Variants in LRRIQ1 observed in about 807,000 individuals in gnomAD.
LRRIQ1 encodes the protein leucine rich repeats and IQ motif containing 1.
In LRRIQ1, 210 loss-of-function variants were observed where a neutral mutation model predicts 211.9. That is an observed-to-expected ratio of 0.99 (90% CI 0.89 to 1.11). The LOEUF (loss-of-function observed/expected upper bound fraction) is 1.11, where lower values mean the gene tolerates loss of function less well. Ranked by LOEUF, LRRIQ1 falls within the 50% of genes most tolerant of loss-of-function variation. The pLI, the probability that LRRIQ1 is intolerant of heterozygous loss-of-function variation, is 0.00. For missense variants in LRRIQ1, 2,136 were observed against 1,939.5 expected (o/e 1.10, Z -1.90); for synonymous variants, 699 against 650.1 (o/e 1.08, Z -1.14).
chr12:85,093,324 A>G (rs1479387228), intron 11 of LRRIQ1, among the ~76,000 whole-genome samples: 3 of 152,202 alleles, frequency 2.0e-5, no homozygotes, highest in Admixed American at 1.3e-4. Context: ...AATGGAAGTT[A>G]TGCATGGTGG....
chr12:85,038,547 A>G (rs1015130072), intron 2 of LRRIQ1, among the ~76,000 whole-genome samples: 1 of 151,754 alleles, frequency 6.6e-6, no homozygotes, highest in Non-Finnish European at 1.5e-5. Context: ...TAGCATGATT[A>G]AATTACATGG....
intron 26 of LRRIQ1, among the ~76,000 whole-genome samples, chr12:85,242,413 A>G (rs1190650789): frequency 1.3e-5 from 2 of 151,970 alleles, no homozygotes; most frequent in Non-Finnish European, 2.9e-5. Flanking sequence ...TAGGTATTAG[A>G]AGTAATCTAG....
chr12:85,136,121 A>T (rs1889111820), intron 18 of LRRIQ1, among the ~76,000 whole-genome samples: 1 of 151,826 alleles, frequency 6.6e-6, no homozygotes, highest in East Asian at 1.9e-4. Flanking sequence ...ACATTATCAT[A>T]ATTGCTTTCT....
chr12:85,123,913 A>G (rs1888167058), intron 16 of LRRIQ1, among the ~76,000 whole-genome samples, 157 bp from the exon 17 acceptor site: 1 of 152,198 alleles, frequency 6.6e-6, no homozygotes, highest in African/African-American at 2.4e-5. Context: ...AAACGAGATC[A>G]ATTTTTATAT....
Position 85,192,684 on chromosome 12 carries a change from A to C in LRRIQ1, c.4822+31970A>C, listed in dbSNP as rs1193977259. ...AAATATATAGTTATATACTATAATT[A>C]TATATAAATATATAGTTATATACTA... On this transcript the variant is annotated intron_variant, in intron 24 of 26. Transcript: ENST00000393217. Among the ~76,000 whole-genome samples the C allele has an allele frequency of 3.3e-5, 2 of 61,102 alleles. 1 individual carries two copies. Among genetic ancestry groups the C allele is most frequent in the African/African-American group, 3.2e-4 (2 of 6,338 alleles). 40.1% of individuals were successfully genotyped at this position (61,102 alleles called of 152,430 possible).
chr12:85,250,263 T>C (rs1895866978), intron 1 of LRRIQ1, among the ~76,000 whole-genome samples: 1 of 151,826 alleles, frequency 6.6e-6, no homozygotes, highest in Non-Finnish European at 1.5e-5. Context: ...TAGTAGACAT[T>C]CGACATCTAT....
At chr12:85,191,240 T>C (rs1892496402) in intron 24 of LRRIQ1, among the ~76,000 whole-genome samples, 1 of 151,916 alleles carries the variant, frequency 6.6e-6, no homozygotes, top group South Asian at 2.1e-4. Context: ...TTTTGACAAA[T>C]GTTTGATGAC....
At chr12:85,055,503 A>G in intron 7 of LRRIQ1, 44 bp from the exon 8 acceptor site, 1 of 1,337,834 alleles carries the variant, frequency 7.5e-7, no homozygotes, top group African/African-American at 1.5e-5. Flanking sequence ...GTAACATCTC[A>G]TGTTTAGTTT....
chr12:85,153,873 A>G (rs1476260877), intron 22 of LRRIQ1, 115 bp downstream of exon 22: 2 of 932,442 alleles, frequency 2.1e-6, no homozygotes, highest in Non-Finnish European at 3.1e-6. Flanking sequence ...TAAATTGTCC[A>G]TCCAATTTAG....
At chr12:85,197,284 T>A (rs1166997101) in intron 24 of LRRIQ1, among the ~76,000 whole-genome samples, 1 of 151,274 alleles carries the variant, frequency 6.6e-6, no homozygotes, top group Non-Finnish European at 1.5e-5. Context: ...TCCTCAGGGA[T>A]CTAGAACTGG....
At chr12:85,146,496 C>T (rs1170352374) in intron 19 of LRRIQ1, among the ~76,000 whole-genome samples, 1 of 151,712 alleles carries the variant, frequency 6.6e-6, no homozygotes, top group African/African-American at 2.4e-5. Context: ...AAGGTGCTTG[C>T]AGCAGTTTGG....
chr12:85,072,415 T>A (rs1031922408), intron 10 of LRRIQ1, among the ~76,000 whole-genome samples: 2 of 151,966 alleles, frequency 1.3e-5, no homozygotes, highest in African/African-American at 4.8e-5. Context: ...GATAAAGAGT[T>A]TATTTTGCAT....
At chr12:85,114,247 AT>A (rs200588973) in intron 15 of LRRIQ1, among the ~76,000 whole-genome samples, 1 of 151,454 alleles carries the variant, frequency 6.6e-6, no homozygotes, top group South Asian at 2.1e-4. Context: ...TTTTAGGTGG[AT>A]TTTTTTTTCC....
downstream of LRRIQ1, among the ~76,000 whole-genome samples, chr12:85,268,264 T>G (rs146804354): frequency 1.8e-3 from 267 of 152,100 alleles, 2 homozygotes; most frequent in African/African-American, 6.1e-3. Flanking sequence ...CCTCTTCCAT[T>G]GTAAGTGTGT....
chr12:85,036,680 T>C lies in LRRIQ1; in HGVS notation c.-25+273T>C, dbSNP rs112776838. ...GCTCCCCACAAACCAATTGACGTTA[T>C]TTTCCTTCCTTCCTTCCCTTCTTGT... On this transcript the variant is annotated intron_variant, in intron 1 of 26. Coordinates refer to ENST00000393217, the MANE Select transcript of LRRIQ1 (RefSeq NM_001079910.2). 2.6e-5 allele frequency among the ~76,000 whole-genome samples: 4 copies of C among 151,998 alleles called. 1 individual carries two copies. The highest frequency in any genetic ancestry group is 9.6e-5 in the African/African-American group (4 of 41,506).
chr12:85,220,801 CT>C (rs1343600442), intron 24 of LRRIQ1, among the ~76,000 whole-genome samples: 9 of 132,452 alleles, frequency 6.8e-5, no homozygotes, highest in African/African-American at 1.9e-4. Context: ...CCCCTCCCCC[CT>C]GTTTTTATTT....
chr12:85,171,532 CA>C (rs1891416974), intron 24 of LRRIQ1, among the ~76,000 whole-genome samples: 1 of 152,172 alleles, frequency 6.6e-6, no homozygotes, highest in African/African-American at 2.4e-5. Context: ...ACATTATCTT[CA>C]AAGAAGCATC....
rs1890818013 is a variant in LRRIQ1, at chr12:85,160,696, A to G, written c.4804A>G (p.Arg1602Gly). ...ATCACCAAAGATGGTACAGCCCAGA[A>G]GAGATGGTTACTTTGAAGGTATGGC... ...PKSPKMVQPR[R>G]DGYFEGIEED... The change falls in exon 24 of 27, where the codon AGA (arginine) becomes GGA (glycine). Residue 1602 changes from arginine (R) to glycine (G), a missense_variant. Transcript: ENST00000393217. The G allele has an allele frequency of 6.3e-7, 1 of 1,595,326 alleles. No homozygotes were observed. Among genetic ancestry groups the G allele is most frequent in the South Asian group, 1.1e-5 (1 of 88,864 alleles).
In LRRIQ1 at chr12:85,154,491, G is replaced by A. The variant is rs991100027; in HGVS notation, c.4720+397G>A. 3.3e-5 allele frequency among the ~76,000 whole-genome samples: 5 copies of A among 151,260 alleles called. No individual in the cohort carries two copies. In the Admixed American group the frequency reaches 3.3e-4, roughly 10 times the overall value. On this transcript the variant is annotated intron_variant, in intron 23 of 26. Transcript: ENST00000393217. ...TAAATTGTATAAATTTATCAGTTCA[G>A]TGGATTTTAGCTATGAAGACTTCAC...
Sources: gnomAD v4.1 joint callset for allele counts (sites outside exome capture counted in the v4.1 genomes callset) on GRCh38, gnomAD v4.1.1 for gene constraint, MANE v1.5 for transcripts, NCBI Gene and HGNC (gene_info 2026-07-23, HGNC 2026-07-21) for gene names.